The following ITPR2 variants were observed in gnomAD, a reference collection of about 807,000 sequenced individuals.
The protein encoded by ITPR2 is inositol 1,4,5-trisphosphate receptor type 2.
In ITPR2, 207 loss-of-function variants were observed where a neutral mutation model predicts 317.1. That is an observed-to-expected ratio of 0.65 (90% CI 0.58 to 0.73). ITPR2 has a LOEUF of 0.73. Ranked by LOEUF, ITPR2 falls within the 30% of genes least tolerant of loss-of-function variation. The pLI, the probability that ITPR2 is intolerant of heterozygous loss-of-function variation, is 0.00. For synonymous variants in ITPR2, 1,156 were observed against 1,149.1 expected (o/e 1.01, Z -0.12); for missense variants, 2,613 against 3,284.0 (o/e 0.80, Z 4.99).
intron 25 of ITPR2, 22 bp downstream of exon 25, chr12:26,622,218 A>G (rs748997315): frequency 4.4e-6 from 7 of 1,598,998 alleles, no homozygotes; most frequent in Non-Finnish European, 5.1e-6. Flanking sequence ...CTGTGGATGC[A>G]TTGAGGGCTC....
intron 37 of ITPR2, among the ~76,000 whole-genome samples, chr12:26,521,431 T>C (rs1423812749): frequency 2.6e-5 from 4 of 152,144 alleles, no homozygotes; most frequent in African/African-American, 9.7e-5. Flanking sequence ...TTCTAGAAAA[T>C]ACATGTTCTG....
chr12:26,685,227 C>T (rs1219020046), intron 11 of ITPR2, among the ~76,000 whole-genome samples: 1 of 152,106 alleles, frequency 6.6e-6, no homozygotes, highest in Non-Finnish European at 1.5e-5. Flanking sequence ...CAAGACTCCT[C>T]GATGCATCTA....
At chr12:26,416,251 C>T (rs1940716891) in intron 50 of ITPR2, among the ~76,000 whole-genome samples, 1 of 152,104 alleles carries the variant, frequency 6.6e-6, no homozygotes, top group Non-Finnish European at 1.5e-5. Context: ...TATGTGTTTG[C>T]AATCTGTGTA....
At chr12:26,653,617 C>T (rs1947308476) in intron 21 of ITPR2, among the ~76,000 whole-genome samples, 1 of 152,140 alleles carries the variant, frequency 6.6e-6, no homozygotes, top group African/African-American at 2.4e-5. Context: ...ATAATTTCAT[C>T]TGTATTTGTA....
At position 26,712,634 on chromosome 12, in the gene ITPR2, TACACACACACACACACACACAC is replaced by T. The variant is rs67872654; in HGVS notation, c.856-1388_856-1367del. On this transcript the variant is annotated intron_variant, in intron 8 of 56. Coordinates refer to ENST00000381340, the MANE Select transcript of ITPR2 (RefSeq NM_002223.4). ...GATAAAATCTAATGTTTGTCTCAAA[TACACACACACACACACACACAC>T]ACACACACACACACACACAATTTTG... 2.7e-5 allele frequency among the ~76,000 whole-genome samples: 4 copies of T among 149,040 alleles called. No individual in the cohort carries two copies. In the South Asian group the frequency reaches 6.5e-4, roughly 24 times the overall value.
chr12:26,727,045 CT>C (rs1948941096), intron 2 of ITPR2, among the ~76,000 whole-genome samples: 1 of 152,066 alleles, frequency 6.6e-6, no homozygotes, highest in Non-Finnish European at 1.5e-5. Flanking sequence ...CTTCAAACTG[CT>C]AAAAGTAGGC....
intron 2 of ITPR2, among the ~76,000 whole-genome samples, chr12:26,767,406 A>C (rs1375251297): frequency 1.3e-5 from 2 of 152,232 alleles, no homozygotes; most frequent in African/African-American, 4.8e-5. Flanking sequence ...ACTTGACCTG[A>C]ACCTTTCTCT....
At chr12:26,361,630 A>C (rs1206678684) in intron 55 of ITPR2, among the ~76,000 whole-genome samples, 1 of 152,230 alleles carries the variant, frequency 6.6e-6, no homozygotes, top group Non-Finnish European at 1.5e-5. Context: ...GAAGTTTACA[A>C]AATCCATGAA....
At chr12:26,340,350 C>G (rs150397176) in intron 55 of ITPR2, 22 bp from the exon 56 acceptor site, 11 of 1,571,804 alleles carry the variant, frequency 7.0e-6, no homozygotes, top group Middle Eastern at 1.7e-4. Context: ...TAAATGTGTG[C>G]GAACAAGGGA....
intron 54 of ITPR2, 126 bp downstream of exon 54, chr12:26,398,750 T>C (rs1400125461): frequency 3.9e-6 from 3 of 772,170 alleles, no homozygotes; most frequent in African/African-American, 3.6e-5. Context: ...TTACATAATC[T>C]GAATTTTATC....
intron 32 of ITPR2, among the ~76,000 whole-genome samples, chr12:26,584,094 T>C (rs1005372562): frequency 6.6e-6 from 1 of 152,064 alleles, no homozygotes; most frequent in Non-Finnish European, 1.5e-5. Context: ...ATAGACAAAT[T>C]AATAAATATA....
chr12:26,362,324 A>T (rs2136581054), intron 55 of ITPR2, among the ~76,000 whole-genome samples: 1 of 152,142 alleles, frequency 6.6e-6, no homozygotes, highest in East Asian at 1.9e-4. Flanking sequence ...TTCTTACCAA[A>T]ATTAAAACTT....
intron 52 of ITPR2, among the ~76,000 whole-genome samples, chr12:26,408,686 C>CTTGT (rs1425363565): frequency 2.0e-5 from 3 of 152,156 alleles, no homozygotes; most frequent in Non-Finnish European, 4.4e-5. Flanking sequence ...TCTGGAACAA[C>CTTGT]AAGTACTAGC....
intron 45 of ITPR2, among the ~76,000 whole-genome samples, chr12:26,447,011 A>G (rs557330715): frequency 6.6e-6 from 1 of 151,914 alleles, no homozygotes; most frequent in East Asian, 1.9e-4. Flanking sequence ...TATCTATATT[A>G]CGAAATTTCT....
At chr12:26,386,203 C>A (rs998194759) in intron 55 of ITPR2, among the ~76,000 whole-genome samples, 35 of 152,048 alleles carry the variant, frequency 2.3e-4, no homozygotes, top group African/African-American at 8.2e-4. Flanking sequence ...GAATATATAT[C>A]CTTAAAATGA....
At chr12:26,687,103 C>T (rs932377704) in intron 10 of ITPR2, among the ~76,000 whole-genome samples, 1 of 152,102 alleles carries the variant, frequency 6.6e-6, no homozygotes, top group African/African-American at 2.4e-5. Flanking sequence ...TCCCTTTCAC[C>T]ACCTGCTTGC....
At chr12:26,410,356 C>A (rs960234561) in intron 52 of ITPR2, among the ~76,000 whole-genome samples, 1 of 152,088 alleles carries the variant, frequency 6.6e-6, no homozygotes, top group African/African-American at 2.4e-5. Context: ...GTGCTTAATT[C>A]TCTCTTTAGG....
chr12:26,544,887 G>A (rs1944355116), intron 37 of ITPR2, among the ~76,000 whole-genome samples: 1 of 152,090 alleles, frequency 6.6e-6, no homozygotes, highest in African/African-American at 2.4e-5. Flanking sequence ...TCACTTTTCT[G>A]AGTCTCTCTT....
Position 26,550,478 on chromosome 12 carries a change from C to T in ITPR2, c.4965-123G>A. On this transcript the variant is annotated intron_variant, in intron 36 of 56. Transcript: ENST00000381340. ...TTGAGAATATGAAGCAAACCAGGTA[C>T]ATGTTTTCAAAAGTTTTAAGATCAC... is the stretch of plus-strand genomic sequence containing the variant. The T allele has an allele frequency of 3.4e-6, 2 of 594,148 alleles. 1 individual carries two copies. 36.8% of individuals were successfully genotyped at this position (594,148 alleles called of 1,614,324 possible). A position where few individuals can be genotyped will look rare whatever the true frequency, so the allele number is the denominator to read the frequency against.
Sources: gnomAD v4.1 joint callset for allele counts (sites outside exome capture counted in the v4.1 genomes callset) on GRCh38, gnomAD v4.1.1 for gene constraint, MANE v1.5 for transcripts, NCBI Gene and HGNC (gene_info 2026-07-23, HGNC 2026-07-21) for gene names.